The following PRPF4 variants were observed in gnomAD, a reference collection of about 807,000 sequenced individuals.
PRPF4 encodes pre-mRNA splicing tri-snRNP complex factor PRPF4.
PRPF4 carries 14 observed loss-of-function variants against 72.2 expected under a neutral mutation model. That is an observed-to-expected ratio of 0.19 (90% CI 0.13 to 0.30). The LOEUF (loss-of-function observed/expected upper bound fraction) is 0.30. Among genes scored for constraint, PRPF4 ranks in the 10% least tolerant of loss-of-function variants. The probability of loss-of-function intolerance (pLI) is 1.00; values close to 1 mark genes in which losing one functional copy is unlikely to be tolerated. For synonymous variants in PRPF4, 225 were observed against 232.2 expected (o/e 0.97, Z 0.28); for missense variants, 478 against 653.9 (o/e 0.73, Z 2.93).
At chr9:113,286,060 T>A (rs1832440961) in intron 7 of PRPF4, 172 bp from the exon 8 acceptor site, 3 of 203,286 alleles carry the variant, frequency 1.5e-5, no homozygotes, top group Non-Finnish European at 1.7e-5. Context: ...GCGTGTGGGC[T>A]GGAGGTAGCT....
At chr9:113,287,017 C>G (rs1200247089) in intron 9 of PRPF4, among the ~76,000 whole-genome samples, 189 bp downstream of exon 9, 1 of 152,072 alleles carries the variant, frequency 6.6e-6, no homozygotes, top group East Asian at 1.9e-4. Flanking sequence ...GCACACTGCA[C>G]TCCAGCTTGG....
At chr9:113,277,990 A>AT (rs1832163663) in intron 2 of PRPF4, among the ~76,000 whole-genome samples, 1 of 152,214 alleles carries the variant, frequency 6.6e-6, no homozygotes, top group Admixed American at 6.5e-5. Context: ...CAAAAAAAAA[A>AT]GTTATTTTCT....
intron 2 of PRPF4, among the ~76,000 whole-genome samples, 153 bp downstream of exon 2, chr9:113,276,878 G>C (rs533788110): frequency 6.6e-6 from 1 of 151,672 alleles, no homozygotes; most frequent in Non-Finnish European, 1.5e-5. Context: ...GCAGTGGTGC[G>C]ATCTTGGCTC....
In PRPF4 at chr9:113,292,629, T is replaced by C. The variant is rs1832642386; in HGVS notation, c.*969T>C. ...TTTTTTACTTTGAAGTTTGGCAACCTTCATGTTACCCCAAAGCAAAACCAT... is the reference window on the plus strand; with the variant it reads ...TTTTTTACTTTGAAGTTTGGCAACCCTCATGTTACCCCAAAGCAAAACCAT... On this transcript the variant is annotated 3_prime_UTR_variant, in exon 14 of 14. Transcript: ENST00000374198. 2 of 152,314 alleles carry C rather than the reference T, an allele frequency of 1.3e-5. No individual in the cohort carries two copies. Among genetic ancestry groups the C allele is most frequent in the East Asian group, 3.9e-4 (2 of 5,190 alleles). The allele number at this position is 152,314 out of a possible 1,614,324, so 9.4% of individuals were successfully genotyped here.
intron 13 of PRPF4, 103 bp from the exon 14 acceptor site, chr9:113,291,364 C>T: frequency 8.2e-7 from 1 of 1,219,898 alleles, no homozygotes; most frequent in East Asian, 2.4e-5. Flanking sequence ...TCTGTAGAAA[C>T]AAGTTTTTTT....
chr9:113,291,429 T>G, intron 13 of PRPF4, 38 bp from the exon 14 acceptor site: 5 of 1,553,202 alleles, frequency 3.2e-6, no homozygotes, highest in Non-Finnish European at 4.4e-6. Context: ...TTTGAATACT[T>G]GAATTCCTCA....
In PRPF4 at chr9:113,275,755, G is replaced by A; in HGVS notation, c.12G>A (p.Ser4=). Residue 4 remains serine, a synonymous_variant, in exon 1 of 14, where the codon TCG becomes TCA. Coordinates refer to ENST00000374198, the MANE Select transcript of PRPF4 (RefSeq NM_001244926.2). MAS[S]RASSTATKTK... is the part of the protein sequence containing the mutation. ...CTCCAGAGCCCAGCATGGCTTCCTC[G>A]CGAGCCTCTTCCACGGTACAGAGCC... The A allele has an allele frequency of 1.2e-6, 2 of 1,612,316 alleles. No individual in the cohort carries two copies. Among genetic ancestry groups the A allele is most frequent in the Non-Finnish European group, 1.7e-6 (2 of 1,179,288 alleles).
intron 12 of PRPF4, 21 bp from the exon 13 acceptor site, chr9:113,290,877 A>C: frequency 6.2e-7 from 1 of 1,613,172 alleles, no homozygotes; most frequent in Non-Finnish European, 8.5e-7. Flanking sequence ...TTCTAACTTC[A>C]ATACTGCATC....
chr9:113,284,421 T>C (rs1161977016), intron 7 of PRPF4, 32 bp downstream of exon 7: 1 of 1,539,204 alleles, frequency 6.5e-7, no homozygotes, highest in Non-Finnish European at 9.0e-7. Context: ...CATTTTTTCC[T>C]AAATGGGGAA....
Position 113,275,668 on chromosome 9 carries a change from T to C in PRPF4, c.-76T>C. ...CTTCCTGTCAGTGACGCACTTCCCC[T>C]CTGCTGGGCGCGCGGTGGACGGTCT... On this transcript the variant is annotated 5_prime_UTR_variant, in exon 1 of 14. Transcript: ENST00000374198. 2 of 1,542,312 alleles carry C rather than the reference T, an allele frequency of 1.3e-6. No individual in the cohort carries two copies. The highest frequency in any genetic ancestry group is 1.8e-6 in the Non-Finnish European group (2 of 1,136,022).
chr9:113,286,346 G>T (rs1351155406), intron 8 of PRPF4, 56 bp downstream of exon 8: 3 of 1,472,696 alleles, frequency 2.0e-6, no homozygotes, highest in Non-Finnish European at 1.9e-6. Flanking sequence ...ACTCAGTTAA[G>T]CCTTAAACTC....
chr9:113,275,819 G>A (rs1356172348), intron 1 of PRPF4, 49 bp downstream of exon 1: 1 of 1,605,652 alleles, frequency 6.2e-7, no homozygotes, highest in Admixed American at 1.7e-5. Context: ...CGCTAAGGGG[G>A]AAGGGGATCT....
At chr9:113,276,817 T>G (rs1478274105) in intron 2 of PRPF4, 92 bp downstream of exon 2, 14 of 1,424,092 alleles carry the variant, frequency 9.8e-6, no homozygotes, top group Admixed American at 6.9e-5. Flanking sequence ...GTCAAAAAAT[T>G]ACAATTTTTT....
At chr9:113,283,530 T>G in intron 6 of PRPF4, 48 bp downstream of exon 6, 1 of 1,598,776 alleles carries the variant, frequency 6.3e-7, no homozygotes, top group Non-Finnish European at 8.6e-7. Flanking sequence ...TTCTTCATGT[T>G]TATTTGATTT....
At chr9:113,280,866 A>T (rs1280697598) in intron 3 of PRPF4, among the ~76,000 whole-genome samples, 1 of 150,818 alleles carries the variant, frequency 6.6e-6, no homozygotes, top group African/African-American at 2.4e-5. Flanking sequence ...TTTGAAACGG[A>T]GTCTCGCTCT....
intron 9 of PRPF4, among the ~76,000 whole-genome samples, 181 bp downstream of exon 9, chr9:113,287,009 A>G (rs1250394712): frequency 6.6e-6 from 1 of 152,122 alleles, no homozygotes; most frequent in Non-Finnish European, 1.5e-5. Flanking sequence ...CCGAGATTGC[A>G]CACTGCACTC....
At chr9:113,291,258 A>G (rs1832599773) in intron 13 of PRPF4, among the ~76,000 whole-genome samples, 1 of 152,148 alleles carries the variant, frequency 6.6e-6, no homozygotes, top group African/African-American at 2.4e-5. Context: ...TCTTTCCTCC[A>G]TGGATGCTCT....
At chr9:113,278,681 G>T (rs1316605299) in intron 2 of PRPF4, among the ~76,000 whole-genome samples, 1 of 152,194 alleles carries the variant, frequency 6.6e-6, no homozygotes, top group Non-Finnish European at 1.5e-5. Flanking sequence ...CTTACTTGCT[G>T]GTCTCAGCCA....
intron 1 of PRPF4, 120 bp downstream of exon 1, chr9:113,275,890 C>A: frequency 7.5e-7 from 1 of 1,338,108 alleles, no homozygotes; most frequent in Non-Finnish European, 1.0e-6. Context: ...AGGAAGGCTG[C>A]GGGACTCAGC....
Sources: allele counts gnomAD v4.1 joint callset (sites outside exome capture counted in the v4.1 genomes callset), GRCh38; gene constraint gnomAD v4.1.1; transcripts MANE v1.5; gene names NCBI Gene and HGNC (gene_info 2026-07-23, HGNC 2026-07-21).